NCAPH2: variants seen among roughly 807,000 people sequenced by gnomAD.
The protein encoded by NCAPH2 is condensin-2 complex subunit H2.
Under a neutral mutation model 88.6 loss-of-function variants are expected in NCAPH2, and 56 were observed. The ratio of observed to expected loss-of-function variants is 0.63; its 90% CI spans 0.51 to 0.79. The LOEUF (loss-of-function observed/expected upper bound fraction) is 0.79. Among genes scored for constraint, NCAPH2 ranks in the 30% least tolerant of loss-of-function variants. The pLI is 0.00. For synonymous variants in NCAPH2, 378 were observed against 313.6 expected (o/e 1.21, Z -2.17); for missense variants, 794 against 792.0 (o/e 1.00, Z -0.03).
rs772648935 is a variant in NCAPH2 at position 50,522,928 on chromosome 22, G to A, written c.1527+6G>A. The A allele has an allele frequency of 1.2e-6, 2 of 1,612,756 alleles. No homozygotes were observed. Among genetic ancestry groups the A allele is most frequent in the African/African-American group, 1.3e-5 (1 of 75,048 alleles). On this transcript the variant is annotated splice_donor_region_variant and intron_variant, in intron 18 of 19. Coordinates refer to ENST00000420993, the MANE Select transcript of NCAPH2 (RefSeq NM_152299.4). ...AGCCTCTGCTCCAGGAGCAGGTGAG[G>A]CGGGGCCGCTGGGAACCAGAGCTGT...
Position 50,523,600 on chromosome 22 carries a change from A to T in NCAPH2, c.*225A>T, listed in dbSNP as rs778774488. On this transcript the variant is annotated 3_prime_UTR_variant, in exon 20 of 20. Coordinates refer to ENST00000420993, the MANE Select transcript of NCAPH2 (RefSeq NM_152299.4). ...CAGCCCGTTTAATGATGGGGCCCAGACTGCAGTGGCTCAAGACAGGACACT... is the reference window on the plus strand; with the variant it reads ...CAGCCCGTTTAATGATGGGGCCCAGTCTGCAGTGGCTCAAGACAGGACACT... 9.9e-6 allele frequency: 16 copies of T among 1,612,672 alleles called. 1 individual carries two copies. The South Asian group carries it at 1.6e-4, about 17-fold the overall frequency.
intron 9 of NCAPH2, among the ~76,000 whole-genome samples, chr22:50,520,002 C>G (rs1394410173): frequency 1.3e-5 from 2 of 152,070 alleles, no homozygotes; most frequent in African/African-American, 2.4e-5. Flanking sequence ...TCCCAAGTAG[C>G]TGGGACTACA....
chr22:50,523,499 A>C lies in NCAPH2; in HGVS notation c.*124A>C. 1 of 1,538,330 alleles carries C rather than the reference A, an allele frequency of 6.5e-7. No homozygotes were observed. Among genetic ancestry groups the C allele is most frequent in the South Asian group, 1.2e-5 (1 of 84,994 alleles). ...CTTCCCCCTAAAAACCCTTTTATGT[A>C]CACCTGCGCAGAGAAGAGGGCTGCC... is the stretch of plus-strand genomic sequence containing the variant. On this transcript the variant is annotated 3_prime_UTR_variant, in exon 20 of 20. Transcript: ENST00000420993.
chr22:50,521,136 T>G (rs563508737), intron 10 of NCAPH2, 100 bp downstream of exon 10: 8 of 1,382,364 alleles, frequency 5.8e-6, no homozygotes, highest in East Asian at 2.5e-5. Context: ...GCCTGTGGTG[T>G]TCCCAGCCTG....
In NCAPH2 at chr22:50,519,273, G is replaced by T; in HGVS notation, c.814G>T (p.Ala272Ser). The change falls in exon 9 of 20, where the codon GCC (alanine) becomes TCC (serine). Residue 272 changes from alanine (A) to serine (S), a missense_variant. By Grantham distance (99) the Ala-to-Ser change is moderately conservative. Around this residue, in one of 2 missense-constraint regions of NCAPH2, gnomAD observed 735 missense variants for 696.3 expected, o/e 1.06. Transcript: ENST00000420993. The stretch of plus-strand genomic sequence containing the variant: ...GGCAGTAGAGCTTCCTGAGGCCTCG[G>T]CCCCCAAGGCCGCTCTGGAGCCCAA... ...EEAVELPEAS[A>S]PKAALEPKES... 6.2e-7 allele frequency: 1 copy of T among 1,606,568 alleles called. No homozygotes were observed.
chr22:50,515,571 T>C (rs576523878), intron 1 of NCAPH2: 58 of 468,100 alleles, frequency 1.2e-4, no homozygotes, highest in African/African-American at 1.2e-3. Context: ...TAATTTTTTG[T>C]ATTTTTAGTA....
Position 50,523,939 on chromosome 22 carries a change from G to A in NCAPH2, c.*564G>A. On this transcript the variant is annotated 3_prime_UTR_variant, in exon 20 of 20. Coordinates refer to ENST00000420993, the MANE Select transcript of NCAPH2 (RefSeq NM_152299.4). ...AGTGATGAAGACAGGCTGCACTGGAGGCAAACCAGGCTCTGCTTCCAGCTG... is the reference window on the plus strand; with the variant it reads ...AGTGATGAAGACAGGCTGCACTGGAAGCAAACCAGGCTCTGCTTCCAGCTG... The A allele has an allele frequency of 6.2e-7, 1 of 1,612,610 alleles. No individual in the cohort carries two copies. The highest frequency in any genetic ancestry group is 1.1e-5 in the South Asian group (1 of 91,080).
At position 50,521,575 on chromosome 22, in the gene NCAPH2, C is replaced by T; in HGVS notation, c.966C>T (p.Pro322=). The T allele has an allele frequency of 6.2e-7, 1 of 1,613,696 alleles. No homozygotes were observed. The highest frequency in any genetic ancestry group is 1.6e-4 in the Middle Eastern group (1 of 6,062). The part of the protein sequence containing the change: ...ETPDPWQSLD[P]FDSLESKPFK... ...CAGACCCCTGGCAGAGCCTGGACCC[C>T]TTTGACTCCTTGGAGTCTAAGCCCT... The change falls in exon 11 of 20, where the codon CCC becomes CCT. Residue 322 remains proline (P), a synonymous_variant. Coordinates refer to ENST00000420993, the MANE Select transcript of NCAPH2 (RefSeq NM_152299.4).
rs1213826858 is a variant in NCAPH2 at position 50,517,694 on chromosome 22, T to C, written c.351+33T>C. On this transcript the variant is annotated intron_variant, in intron 4 of 19. Coordinates refer to ENST00000420993, the MANE Select transcript of NCAPH2 (RefSeq NM_152299.4). Reference sequence around the variant, plus strand: ...TCTTTGGCATGTGGTCCCCGCCCACTGTGTGTTTGCCTGGGCTCCGCCCCC... The same window carrying C: ...TCTTTGGCATGTGGTCCCCGCCCACCGTGTGTTTGCCTGGGCTCCGCCCCC... The C allele has an allele frequency of 2.5e-6, 4 of 1,613,978 alleles. No individual in the cohort carries two copies. The African/African-American group carries it at 4.0e-5, about 16-fold the overall frequency.
intron 10 of NCAPH2, 118 bp downstream of exon 10, chr22:50,521,154 T>C: frequency 8.5e-7 from 1 of 1,182,710 alleles, no homozygotes; most frequent in Non-Finnish European, 1.2e-6. Context: ...CTGTGGCCCT[T>C]TGCACTTGCT....
intron 1 of NCAPH2, among the ~76,000 whole-genome samples, chr22:50,508,744 C>T (rs1175623095): frequency 6.6e-6 from 1 of 152,228 alleles, no homozygotes; most frequent in South Asian, 2.1e-4. Context: ...GACTAGAAAG[C>T]ATTATTGCTT....
chr22:50,521,005 AG>A lies in NCAPH2; in HGVS notation c.907del (p.Ala303ProfsTer8). On this transcript the variant is annotated frameshift_variant, in exon 10 of 20. Coordinates refer to ENST00000420993, the MANE Select transcript of NCAPH2 (RefSeq NM_152299.4). LOFTEE classifies it high-confidence loss of function. The stretch of plus-strand genomic sequence containing the variant: ...AGGAGGTACATGCTGCGGGAGCGGG[AG>A]GGGGCCCCAGAGCCTGCATCCTGCG... The part of the protein sequence containing the change: ...LPRRYMLRER[E>X]GAPEPASCVK... The A allele has an allele frequency of 1.3e-6, 2 of 1,550,792 alleles. No homozygotes were observed. The highest frequency in any genetic ancestry group is 1.2e-5 in the South Asian group (1 of 84,056).
At chr22:50,511,973 A>T (rs2068796665) in intron 1 of NCAPH2, among the ~76,000 whole-genome samples, 1 of 152,054 alleles carries the variant, frequency 6.6e-6, no homozygotes, top group South Asian at 2.1e-4. Flanking sequence ...TTTTTAGTAG[A>T]GATGGGGTTT....
intron 1 of NCAPH2, among the ~76,000 whole-genome samples, chr22:50,512,718 G>A (rs539474223): frequency 1.8e-4 from 27 of 151,918 alleles, no homozygotes; most frequent in African/African-American, 6.5e-4. Context: ...CTAATTTTTT[G>A]TATTTTTGGT....
chr22:50,517,680 T>G lies in NCAPH2; in HGVS notation c.351+19T>G, dbSNP rs768191519. 1.1e-5 allele frequency: 17 copies of G among 1,614,110 alleles called. No individual in the cohort carries two copies. In the South Asian group the frequency reaches 1.9e-4, roughly 18 times the overall value. ...GAATGAGGTGAGTTTCTTTGGCATG[T>G]GGTCCCCGCCCACTGTGTGTTTGCC... is the stretch of plus-strand genomic sequence containing the variant. On this transcript the variant is annotated intron_variant, in intron 4 of 19. Coordinates refer to ENST00000420993, the MANE Select transcript of NCAPH2 (RefSeq NM_152299.4).
intron 9 of NCAPH2, chr22:50,519,855 C>T (rs987472306): frequency 4.5e-5 from 33 of 739,650 alleles, no homozygotes; most frequent in Non-Finnish European, 4.9e-5. Context: ...AAGAGTACCC[C>T]GTGACCACTG....
Position 50,524,481 on chromosome 22 carries a change from G to A in NCAPH2, c.*1106G>A, listed in dbSNP as rs777411169. 28 of 1,524,804 alleles carry A rather than the reference G, an allele frequency of 1.8e-5. No homozygotes were observed. The highest frequency in any genetic ancestry group is 1.7e-4 in the Middle Eastern group (1 of 5,922). The allele number at this position is 1,524,804 out of a possible 1,614,324, so 94.5% of individuals were successfully genotyped here. On this transcript the variant is annotated 3_prime_UTR_variant, in exon 20 of 20. Coordinates refer to ENST00000420993, the MANE Select transcript of NCAPH2 (RefSeq NM_152299.4). ...AGGGAAGGCCCAGGACAGTGCCTGGGCTGCCCCTGCGACTTGAGACCAGCC... is the reference window on the plus strand; with the variant it reads ...AGGGAAGGCCCAGGACAGTGCCTGGACTGCCCCTGCGACTTGAGACCAGCC...
At position 50,524,642 on chromosome 22, in the gene NCAPH2, C is replaced by T. The variant is rs1238266324; in HGVS notation, c.*1267C>T. ...GTCACTCCTGTCCTCTACCTGGGATCACCAGCCTGTCACCGCACCCTGCCC... is the reference window on the plus strand; with the variant it reads ...GTCACTCCTGTCCTCTACCTGGGATTACCAGCCTGTCACCGCACCCTGCCC... On this transcript the variant is annotated 3_prime_UTR_variant, in exon 20 of 20. Coordinates refer to ENST00000420993, the MANE Select transcript of NCAPH2 (RefSeq NM_152299.4). 1 of 702,774 alleles carries T rather than the reference C, an allele frequency of 1.4e-6. No individual in the cohort carries two copies. Among genetic ancestry groups the T allele is most frequent in the South Asian group, 1.5e-5 (1 of 66,634 alleles). 43.5% of individuals were successfully genotyped at this position (702,774 alleles called of 1,614,324 possible).
intron 8 of NCAPH2, 95 bp downstream of exon 8, chr22:50,518,827 C>G: frequency 4.9e-6 from 6 of 1,221,356 alleles, no homozygotes; most frequent in Non-Finnish European, 6.8e-6. Context: ...GGGCTGCTCT[C>G]AGCTGCCAGC....
Sources: gnomAD v4.1 joint callset for allele counts (sites outside exome capture counted in the v4.1 genomes callset) on GRCh38, gnomAD v4.1.1 for gene constraint, gnomAD v4.1.1 regional missense constraint, MANE v1.5 for transcripts, NCBI Gene and HGNC (gene_info 2026-07-23, HGNC 2026-07-21) for gene names.